Variants in DMD observed in about 807,000 individuals in gnomAD.
The protein encoded by DMD is dystrophin.
In DMD, 63 loss-of-function variants were observed where a neutral mutation model predicts 330.1. That is an observed-to-expected ratio of 0.19 (90% CI 0.16 to 0.24). The LOEUF (loss-of-function observed/expected upper bound fraction) is 0.24, where lower values mean the gene tolerates loss of function less well. DMD is among the 10% of genes least tolerant of loss of function. The probability of loss-of-function intolerance (pLI) is 1.00; values close to 1 mark genes in which losing one functional copy is unlikely to be tolerated. For synonymous variants in DMD, 1,223 were observed against 959.8 expected (o/e 1.27, Z -5.07); for missense variants, 3,344 against 2,684.1 (o/e 1.25, Z -5.43).
At chrX:31,293,204 A>T (rs57236068) in intron 62 of DMD, among the ~76,000 whole-genome samples, 51 of 58,452 alleles carry the variant, frequency 8.7e-4, no homozygotes, top group East Asian at 3.0e-3. Flanking sequence ...AGTCTGGTTT[A>T]GTGTGTGTGT....
At chrX:33,168,255 A>C (rs1313571479) in intron 1 of DMD, among the ~76,000 whole-genome samples, 5 of 111,274 alleles carry the variant, frequency 4.5e-5, no homozygotes, top group Non-Finnish European at 9.5e-5. Flanking sequence ...GGCAATTACT[A>C]CTTCCAAAAT....
chrX:31,256,140 G>T (rs181634854), intron 63 of DMD, among the ~76,000 whole-genome samples: 10 of 111,284 alleles, frequency 9.0e-5, no homozygotes, highest in African/African-American at 3.3e-4. Context: ...GAGACACTTG[G>T]TCTCTTATAT....
At chrX:32,435,361 C>T (rs183872815) in intron 29 of DMD, among the ~76,000 whole-genome samples, 1 of 102,215 alleles carries the variant, frequency 9.8e-6, no homozygotes, top group Non-Finnish European at 2.0e-5. Context: ...ATCATCTAGT[C>T]AAAATAAAAA....
chrX:32,916,712 C>A (rs990059605), intron 2 of DMD, among the ~76,000 whole-genome samples: 1 of 111,313 alleles, frequency 9.0e-6, no homozygotes, highest in South Asian at 3.7e-4. Context: ...CCAAGCACAG[C>A]CCAGTAATAT....
At chrX:31,463,468 T>C in intron 59 of DMD, among the ~76,000 whole-genome samples, 1 of 111,813 alleles carries the variant, frequency 8.9e-6, no homozygotes, top group East Asian at 2.8e-4. Flanking sequence ...CTGGTGTCAA[T>C]GCTAACTGTT....
At chrX:32,621,290 G>A (rs1019240407) in intron 11 of DMD, among the ~76,000 whole-genome samples, 3 of 111,040 alleles carry the variant, frequency 2.7e-5, no homozygotes, top group Non-Finnish European at 3.8e-5. Flanking sequence ...CAGCTTGATC[G>A]CACAAGGTGC....
intron 56 of DMD, among the ~76,000 whole-genome samples, chrX:31,499,108 T>G (rs865936688): frequency 9.0e-6 from 1 of 111,368 alleles, no homozygotes; most frequent in Admixed American, 9.6e-5. Context: ...TGGAGAGAGG[T>G]AGGGCTCAGA....
At chrX:31,482,336 G>T (rs745606679) in intron 57 of DMD, among the ~76,000 whole-genome samples, 1 of 109,955 alleles carries the variant, frequency 9.1e-6, no homozygotes, top group East Asian at 2.9e-4. Context: ...AAATTCTGAG[G>T]TTTGAGGAGA....
intron 44 of DMD, chrX:32,155,294 C>A: frequency 2.1e-6 from 1 of 481,225 alleles, no homozygotes. Flanking sequence ...AGCTGCCAGA[C>A]CCACAGAAGA....
chrX:33,306,406 T>C (rs2053762973), intron 1 of DMD, among the ~76,000 whole-genome samples: 1 of 111,870 alleles, frequency 8.9e-6, no homozygotes, highest in African/African-American at 3.2e-5. Context: ...CATGATTTAA[T>C]ATAACGTATG....
At chrX:32,849,602 G>A (rs1218196412) in intron 3 of DMD, 126 bp downstream of exon 3, 2 of 518,071 alleles carry the variant, frequency 3.9e-6, no homozygotes, top group African/African-American at 4.7e-5. Context: ...CTTTACTAAG[G>A]AATAGGTATT....
At chrX:33,294,177 G>A (rs1603429178) in intron 1 of DMD, among the ~76,000 whole-genome samples, 1 of 111,261 alleles carries the variant, frequency 9.0e-6, no homozygotes, top group South Asian at 3.7e-4. Context: ...TGTTCTGACT[G>A]AGATTTTGCA....
intron 39 of DMD, 57 bp from the exon 40 acceptor site, chrX:32,343,343 G>A (rs1043440837): frequency 2.9e-6 from 3 of 1,038,881 alleles, no homozygotes; most frequent in African/African-American, 3.8e-5. Context: ...TGCACTTCTG[G>A]CTGCAGTTAT....
chrX:32,207,768 C>T (rs2097076601), intron 44 of DMD, among the ~76,000 whole-genome samples: 1 of 111,627 alleles, frequency 9.0e-6, no homozygotes, highest in South Asian at 3.7e-4. Flanking sequence ...CATAAGCCTC[C>T]ATTAAGCCAG....
At chrX:32,464,072 T>C (rs2098392831) in intron 24 of DMD, among the ~76,000 whole-genome samples, 1 of 111,772 alleles carries the variant, frequency 8.9e-6, no homozygotes, top group South Asian at 3.7e-4. Context: ...AATGGTATAA[T>C]GAATATTATT....
intron 44 of DMD, among the ~76,000 whole-genome samples, chrX:32,039,135 A>G (rs2095977791): frequency 9.0e-6 from 1 of 111,085 alleles, no homozygotes; most frequent in East Asian, 2.8e-4. Flanking sequence ...AGGGGGGGAT[A>G]TTTATTCCAG....
At chrX:31,441,191 T>C (rs892928974) in intron 60 of DMD, among the ~76,000 whole-genome samples, 1 of 111,253 alleles carries the variant, frequency 9.0e-6, no homozygotes, top group Non-Finnish European at 1.9e-5. Context: ...GTTCTCTATT[T>C]TTATTTTATT....
chrX:32,573,722 CT>C, intron 14 of DMD, 22 bp downstream of exon 14: 6 of 1,200,600 alleles, frequency 5.0e-6, no homozygotes, highest in Non-Finnish European at 6.8e-6. Flanking sequence ...TCTTTTACAG[CT>C]AGTTTCTCAC....
At chrX:31,609,835 C>T (rs1569554583) in intron 55 of DMD, among the ~76,000 whole-genome samples, 1 of 111,398 alleles carries the variant, frequency 9.0e-6, no homozygotes, top group Non-Finnish European at 1.9e-5. Flanking sequence ...TTTTATGGAG[C>T]TCAAATGCTG....
Sources: allele counts gnomAD v4.1 joint callset (sites outside exome capture counted in the v4.1 genomes callset), GRCh38; gene constraint gnomAD v4.1.1; transcripts MANE v1.5; gene names NCBI Gene and HGNC (gene_info 2026-07-23, HGNC 2026-07-21).